The following MAGI2 variants were observed in gnomAD, a reference collection of about 807,000 sequenced individuals.
MAGI2 encodes the protein membrane-associated guanylate kinase, WW and PDZ domain-containing protein 2.
A neutral mutation model predicts 133.3 loss-of-function variants in MAGI2; 35 were observed. The observed-to-expected ratio is 0.26, with a 90% confidence interval of 0.20 to 0.35. The LOEUF (loss-of-function observed/expected upper bound fraction) is 0.35. Among genes scored for constraint, MAGI2 ranks in the 10% least tolerant of loss-of-function variants. The pLI, the probability that MAGI2 is intolerant of heterozygous loss-of-function variation, is 1.00. For synonymous variants in MAGI2, 729 were observed against 710.6 expected (o/e 1.03, Z -0.41); for missense variants, 1,636 against 1,863.4 (o/e 0.88, Z 2.25).
At chr7:78,532,219 A>C (rs1797529841) in intron 3 of MAGI2, among the ~76,000 whole-genome samples, 1 of 152,244 alleles carries the variant, frequency 6.6e-6, no homozygotes, top group Non-Finnish European at 1.5e-5. Flanking sequence ...ATTTTAAAGG[A>C]TGCAAGGACA....
chr7:78,431,339 G>A (rs1799776613), intron 6 of MAGI2, among the ~76,000 whole-genome samples: 1 of 152,006 alleles, frequency 6.6e-6, no homozygotes, highest in South Asian at 2.1e-4. Flanking sequence ...TTTCTTTCGA[G>A]CTAATACCTG....
chr7:79,091,904 A>G (rs1413900215), intron 1 of MAGI2, among the ~76,000 whole-genome samples: 6 of 152,002 alleles, frequency 3.9e-5, no homozygotes, highest in African/African-American at 1.4e-4. Flanking sequence ...CAGTCAGTGC[A>G]TGGGCCACAG....
intron 2 of MAGI2, among the ~76,000 whole-genome samples, chr7:78,876,183 T>C (rs939349854): frequency 2.3e-4 from 35 of 151,322 alleles, no homozygotes; most frequent in African/African-American, 8.5e-4. Flanking sequence ...ATTAGCCAGG[T>C]GTGGTGGTGG....
At chr7:78,518,755 C>T (rs1014584840) in intron 4 of MAGI2, 12 of 152,062 alleles carry the variant, frequency 7.9e-5, no homozygotes, top group East Asian at 1.9e-4. Flanking sequence ...TTGTCTTAGA[C>T]GAGGTCTCAC....
chr7:79,388,076 A>T (rs1241740354), intron 1 of MAGI2, among the ~76,000 whole-genome samples: 1 of 151,982 alleles, frequency 6.6e-6, no homozygotes, highest in Non-Finnish European at 1.5e-5. Flanking sequence ...TTTGAAATTT[A>T]CCTGAGATTA....
At chr7:78,306,164 G>A (rs1301247456) in intron 9 of MAGI2, among the ~76,000 whole-genome samples, 1 of 152,146 alleles carries the variant, frequency 6.6e-6, no homozygotes, top group South Asian at 2.1e-4. Context: ...AGACTTGAAA[G>A]GCTTCTTCTT....
intron 2 of MAGI2, among the ~76,000 whole-genome samples, chr7:78,973,826 C>A (rs1331839458): frequency 1.3e-5 from 2 of 151,744 alleles, no homozygotes; most frequent in Non-Finnish European, 2.9e-5. Flanking sequence ...AATTTTACCC[C>A]GTTACAATAG....
Position 78,075,483 on chromosome 7 carries a change from TCTC to T in MAGI2, c.3706+3461_3706+3463del, listed in dbSNP as rs1333880738. On this transcript the variant is annotated intron_variant, in intron 21 of 21. Transcript: ENST00000354212. ...GCTCTGCCTCCCAGGTTCATGCCAT[TCTC>T]CTGCCTCAGCCTCCTGAGTAGCTGG... 3.3e-5 allele frequency among the ~76,000 whole-genome samples: 5 copies of T among 151,986 alleles called. No homozygotes were observed. The East Asian group carries it at 7.7e-4, about 24-fold the overall frequency.
chr7:78,073,637 G>A (rs1273697994), intron 21 of MAGI2, among the ~76,000 whole-genome samples: 2 of 152,228 alleles, frequency 1.3e-5, no homozygotes, highest in African/African-American at 4.8e-5. Flanking sequence ...TTTTCATCCA[G>A]CGGCACCTCT....
chr7:78,371,266 T>C (rs1456225611), intron 6 of MAGI2, among the ~76,000 whole-genome samples: 2 of 152,022 alleles, frequency 1.3e-5, no homozygotes, highest in Admixed American at 1.3e-4. Context: ...CAAAACCCTT[T>C]TTTATAAGCA....
At chr7:78,908,549 A>G (rs981750808) in intron 2 of MAGI2, among the ~76,000 whole-genome samples, 2 of 152,224 alleles carry the variant, frequency 1.3e-5, no homozygotes, top group African/African-American at 2.4e-5. Context: ...TGAGAAATTC[A>G]TTACAAATAA....
chr7:78,815,156 T>G (rs1269710908), intron 2 of MAGI2, among the ~76,000 whole-genome samples: 1 of 152,126 alleles, frequency 6.6e-6, no homozygotes, highest in African/African-American at 2.4e-5. Flanking sequence ...AAGCTGTAAG[T>G]AGAGATTTAG....
At chr7:78,989,603 T>C (rs1805565734) in intron 2 of MAGI2, among the ~76,000 whole-genome samples, 1 of 152,108 alleles carries the variant, frequency 6.6e-6, no homozygotes, top group East Asian at 1.9e-4. Context: ...CTCTTTCTTG[T>C]ATTCTTAGCA....
rs186972284 is a variant in MAGI2, at chr7:79,229,562, G to C, written c.302-222356C>G. ...ATAGTATGCATCAAGGAAAAGTATA[G>C]CTTGAGAGTTATTTCTACAGGTGCA... On this transcript the variant is annotated intron_variant, in intron 1 of 21. Coordinates refer to ENST00000354212, the MANE Select transcript of MAGI2 (RefSeq NM_012301.4). Among the ~76,000 whole-genome samples the C allele has an allele frequency of 3.9e-5, 6 of 152,218 alleles. No individual in the cohort carries two copies. The South Asian group carries it at 6.2e-4, about 16-fold the overall frequency.
At chr7:79,034,046 T>C (rs10244720) in intron 1 of MAGI2, among the ~76,000 whole-genome samples, 14,364 of 152,220 alleles carry the variant, frequency 0.094, 843 homozygotes, top group African/African-American at 0.16. Flanking sequence ...AGATGATATA[T>C]TGAGACACAC....
chr7:79,074,171 G>A (rs1219412339), intron 1 of MAGI2, among the ~76,000 whole-genome samples: 3 of 152,058 alleles, frequency 2.0e-5, no homozygotes, highest in Non-Finnish European at 4.4e-5. Flanking sequence ...TACACTGAAC[G>A]TTCAACAGCT....
intron 1 of MAGI2, among the ~76,000 whole-genome samples, chr7:79,401,565 G>A (rs1279185083): frequency 6.6e-6 from 1 of 152,156 alleles, no homozygotes; most frequent in Non-Finnish European, 1.5e-5. Flanking sequence ...TTGGTTGGAT[G>A]CCAGGGTAGC....
At chr7:79,127,370 G>C (rs1388518723) in intron 1 of MAGI2, among the ~76,000 whole-genome samples, 1 of 151,956 alleles carries the variant, frequency 6.6e-6, no homozygotes, top group Non-Finnish European at 1.5e-5. Context: ...CTGAGGAATC[G>C]CCACACTGAC....
chr7:78,424,129 G>A (rs943447033), intron 6 of MAGI2, among the ~76,000 whole-genome samples: 1 of 152,114 alleles, frequency 6.6e-6, no homozygotes, highest in Non-Finnish European at 1.5e-5. Flanking sequence ...GGTTTTGTGG[G>A]CCAGGCCAAG....
Sources: gnomAD v4.1 joint callset for allele counts (sites outside exome capture counted in the v4.1 genomes callset) on GRCh38, gnomAD v4.1.1 for gene constraint, MANE v1.5 for transcripts, NCBI Gene and HGNC (gene_info 2026-07-23, HGNC 2026-07-21) for gene names.